The following DNM3 variants were observed in gnomAD, a reference collection of about 807,000 sequenced individuals.
The protein encoded by DNM3 is dynamin 3.
Under a neutral mutation model 101.6 loss-of-function variants are expected in DNM3, and 47 were observed. The ratio of observed to expected loss-of-function variants is 0.46; its 90% CI spans 0.37 to 0.59. DNM3 has a LOEUF of 0.59. DNM3 is among the 20% of genes least tolerant of loss of function. The pLI, the probability that DNM3 is intolerant of heterozygous loss-of-function variation, is 0.00. For synonymous variants in DNM3, 385 were observed against 387.9 expected, an observed-to-expected ratio of 0.99 and a Z score of 0.09; for missense variants, 849 against 1,085.7, an observed-to-expected ratio of 0.78 and a Z score of 3.06.
chr1:172,185,112 C>T (rs531698388), intron 14 of DNM3, among the ~76,000 whole-genome samples: 2 of 152,178 alleles, frequency 1.3e-5, no homozygotes, highest in South Asian at 4.1e-4. Flanking sequence ...GTAGGTTTTG[C>T]TCTTTGCCTC....
chr1:171,871,363 A>G (rs2035267469), intron 1 of DNM3, among the ~76,000 whole-genome samples: 2 of 152,200 alleles, frequency 1.3e-5, no homozygotes, highest in Admixed American at 1.3e-4. Flanking sequence ...CTCAATTTAC[A>G]TGATAGTTGC....
At chr1:172,097,230 T>C (rs529517430) in intron 13 of DNM3, among the ~76,000 whole-genome samples, 61 of 152,074 alleles carry the variant, frequency 4.0e-4, no homozygotes, top group Non-Finnish European at 5.6e-4. Context: ...TGAAACCCCA[T>C]CTCTACTAAA....
At chr1:172,414,825 C>T (rs574144807), downstream of DNM3, among the ~76,000 whole-genome samples, 1 of 146,276 alleles carries the variant, frequency 6.8e-6, no homozygotes, top group Non-Finnish European at 1.5e-5. Flanking sequence ...TTCCAGCTAC[C>T]GGAGAGGCTG....
At chr1:172,005,733 G>A (rs2046644152) in intron 4 of DNM3, among the ~76,000 whole-genome samples, 1 of 152,054 alleles carries the variant, frequency 6.6e-6, no homozygotes, top group African/African-American at 2.4e-5. Context: ...GCCTGTAGAG[G>A]TCTGTATAAT....
At chr1:172,373,708 T>C (rs2068466438) in intron 17 of DNM3, among the ~76,000 whole-genome samples, 1 of 152,024 alleles carries the variant, frequency 6.6e-6, no homozygotes, top group Non-Finnish European at 1.5e-5. Context: ...TTTTGTACTT[T>C]ACATCCTCCA....
chr1:171,992,412 G>A (rs569409969), intron 4 of DNM3, among the ~76,000 whole-genome samples: 10 of 152,096 alleles, frequency 6.6e-5, no homozygotes, highest in African/African-American at 4.8e-5. Flanking sequence ...TTGTTATAGC[G>A]TAAGGAAAAT....
chr1:172,214,250 C>G (rs1327914018), intron 14 of DNM3, among the ~76,000 whole-genome samples: 1 of 152,002 alleles, frequency 6.6e-6, no homozygotes, highest in African/African-American at 2.4e-5. Context: ...AGAAGTTGGT[C>G]TGGCTGGGCA....
At chr1:172,136,282 G>C (rs2148117360) in intron 14 of DNM3, among the ~76,000 whole-genome samples, 1 of 152,172 alleles carries the variant, frequency 6.6e-6, no homozygotes, top group South Asian at 2.1e-4. Flanking sequence ...TTCAGAAATA[G>C]GAAACAAAAT....
At chr1:172,253,423 T>G in intron 14 of DNM3, 150 bp from the exon 15 acceptor site, 1 of 595,246 alleles carries the variant, frequency 1.7e-6, no homozygotes, top group Admixed American at 3.0e-5. Flanking sequence ...AATCAAGTGT[T>G]AGCCAACTCA....
intron 17 of DNM3, among the ~76,000 whole-genome samples, chr1:172,369,068 C>T (rs981090907): frequency 8.6e-5 from 13 of 151,932 alleles, no homozygotes; most frequent in African/African-American, 3.1e-4. Context: ...GAAGAATTAA[C>T]ACCAATTCTT....
chr1:171,952,164 T>C (rs1221332550), intron 2 of DNM3, among the ~76,000 whole-genome samples: 3 of 152,198 alleles, frequency 2.0e-5, no homozygotes, highest in Non-Finnish European at 4.4e-5. Flanking sequence ...GATGTCTTTT[T>C]TGGGGACCTT....
chr1:172,099,534 G>A (rs2054487252), intron 13 of DNM3, among the ~76,000 whole-genome samples: 1 of 151,610 alleles, frequency 6.6e-6, no homozygotes, highest in Non-Finnish European at 1.5e-5. Context: ...TAGCTGCGTG[G>A]GAAATAGAAA....
chr1:172,017,483 C>G (rs1481258046), intron 4 of DNM3, among the ~76,000 whole-genome samples: 1 of 151,998 alleles, frequency 6.6e-6, no homozygotes, highest in Admixed American at 6.6e-5. Context: ...GGTTAATCTC[C>G]AAACATTTTG....
intron 14 of DNM3, among the ~76,000 whole-genome samples, chr1:172,214,782 A>AT (rs2060635654): frequency 6.6e-6 from 1 of 152,084 alleles, no homozygotes; most frequent in Non-Finnish European, 1.5e-5. Flanking sequence ...TTTTTTTTCA[A>AT]TAGTAACACT....
chr1:172,158,891 T>G (rs2058443855), intron 14 of DNM3, among the ~76,000 whole-genome samples: 1 of 152,132 alleles, frequency 6.6e-6, no homozygotes, highest in South Asian at 2.1e-4. Context: ...TAGGTGTTAC[T>G]TTATTAAAAT....
chr1:172,150,277 T>A (rs538208378), intron 14 of DNM3, among the ~76,000 whole-genome samples: 1 of 152,296 alleles, frequency 6.6e-6, no homozygotes, highest in South Asian at 2.1e-4. Context: ...AAAAAAGTAC[T>A]TGGCATATAA....
intron 15 of DNM3, among the ~76,000 whole-genome samples, chr1:172,255,043 G>A (rs1198708718): frequency 6.6e-6 from 1 of 151,988 alleles, no homozygotes; most frequent in Non-Finnish European, 1.5e-5. Context: ...AATTAAAATA[G>A]CAAAAGAAGA....
At chr1:172,057,728 C>A (rs992812801) in intron 10 of DNM3, among the ~76,000 whole-genome samples, 3 of 151,644 alleles carry the variant, frequency 2.0e-5, no homozygotes, top group Non-Finnish European at 4.4e-5. Flanking sequence ...CGGTACCAGC[C>A]GCTGCAAAAT....
At chr1:172,313,359 G>T (rs140851331) in intron 16 of DNM3, among the ~76,000 whole-genome samples, 1 of 152,146 alleles carries the variant, frequency 6.6e-6, no homozygotes, top group African/African-American at 2.4e-5. Context: ...TTATTGACAC[G>T]TACGTAAATT....
Sources: allele counts gnomAD v4.1 joint callset (sites outside exome capture counted in the v4.1 genomes callset), GRCh38; gene constraint gnomAD v4.1.1; transcripts MANE v1.5; gene names NCBI Gene and HGNC (gene_info 2026-07-23, HGNC 2026-07-21).